Variants in AMBP observed in about 807,000 individuals in gnomAD.
AMBP encodes alpha-1-microglobulin/bikunin precursor, also known as protein AMBP.
AMBP carries 37 observed loss-of-function variants against 46.3 expected under a neutral mutation model. The ratio of observed to expected loss-of-function variants is 0.80; its 90% CI spans 0.61 to 1.05. The LOEUF (loss-of-function observed/expected upper bound fraction) is 1.05, where lower values mean the gene tolerates loss of function less well. AMBP is among the 50% of genes least tolerant of loss of function. AMBP has a pLI of 0.00. For synonymous variants in AMBP, 174 were observed against 175.9 expected (o/e 0.99, Z 0.09); for missense variants, 475 against 461.2 (o/e 1.03, Z -0.27).
chr9:114,069,655 G>C, intron 6 of AMBP, 44 bp downstream of exon 6: 1 of 1,560,998 alleles, frequency 6.4e-7, no homozygotes, highest in Non-Finnish European at 8.7e-7. Flanking sequence ...GGGGCAGAGT[G>C]GGGTGGGATG....
At chr9:114,071,372 C>T (rs895379464) in intron 5 of AMBP, among the ~76,000 whole-genome samples, 13 of 152,254 alleles carry the variant, frequency 8.5e-5, no homozygotes, top group Admixed American at 6.5e-4. Flanking sequence ...GCAGTGCTGA[C>T]GTGCCAGCTC....
chr9:114,066,362 T>C (rs1846693145), intron 6 of AMBP, among the ~76,000 whole-genome samples: 1 of 137,332 alleles, frequency 7.3e-6, no homozygotes, highest in Non-Finnish European at 1.6e-5. Flanking sequence ...AATCAGAACA[T>C]GCATTTATGT....
At chr9:114,065,973 T>C (rs1433074669) in intron 6 of AMBP, among the ~76,000 whole-genome samples, 1 of 152,186 alleles carries the variant, frequency 6.6e-6, no homozygotes, top group Non-Finnish European at 1.5e-5. Flanking sequence ...CCCTCAGCAA[T>C]GGATGTACTT....
At chr9:114,063,183 G>GA (rs397940037) in intron 6 of AMBP, among the ~76,000 whole-genome samples, 10,954 of 144,786 alleles carry the variant, frequency 0.076, 820 homozygotes, top group African/African-American at 0.2. Context: ...GCTGCTTGCA[G>GA]AAAAAAAAAA....
At position 114,072,916 on chromosome 9, in the gene AMBP, G is replaced by A. The variant is rs1161913846; in HGVS notation, c.556+9C>T. ...GGACAGGAATTTGAGGCGGAGGGGT[G>A]CTATGTACCTCGGTCAGCCATGGTG... On this transcript the variant is annotated intron_variant, in intron 5 of 9. Transcript: ENST00000265132. The A allele has an allele frequency of 1.2e-6, 2 of 1,612,986 alleles. No individual in the cohort carries two copies. Among genetic ancestry groups the A allele is most frequent in the East Asian group, 2.2e-5 (1 of 44,830 alleles).
At chr9:114,071,729 A>C (rs1846746963) in intron 5 of AMBP, among the ~76,000 whole-genome samples, 1 of 152,236 alleles carries the variant, frequency 6.6e-6, no homozygotes, top group Non-Finnish European at 1.5e-5. Flanking sequence ...CCCCAGACTC[A>C]GCCAGATTCG....
At chr9:114,061,186 C>G in intron 8 of AMBP, 88 bp from the exon 9 acceptor site, 2 of 1,509,344 alleles carry the variant, frequency 1.3e-6, no homozygotes. Context: ...GAGGGCCCTG[C>G]TCATCTAGAA....
At chr9:114,078,001 A>G in intron 1 of AMBP, 92 bp downstream of exon 1, 3 of 1,236,520 alleles carry the variant, frequency 2.4e-6, no homozygotes, top group Admixed American at 1.7e-5. Context: ...GAAGCCTGAG[A>G]CCCCGAGACA....
chr9:114,072,521 C>T (rs1228815105), intron 5 of AMBP, among the ~76,000 whole-genome samples: 1 of 152,228 alleles, frequency 6.6e-6, no homozygotes, highest in Non-Finnish European at 1.5e-5. Context: ...GGAACAAGCC[C>T]AGCAGGCCCA....
chr9:114,065,175 T>C (rs1333984723), intron 6 of AMBP, among the ~76,000 whole-genome samples: 1 of 151,906 alleles, frequency 6.6e-6, no homozygotes, highest in East Asian at 1.9e-4. Flanking sequence ...ACCCCCAAAA[T>C]TCATATACTG....
chr9:114,060,189 G>A lies in AMBP; in HGVS notation c.*50C>T. The A allele has an allele frequency of 6.3e-7, 1 of 1,580,108 alleles. No individual in the cohort carries two copies. The highest frequency in any genetic ancestry group is 8.6e-7 in the Non-Finnish European group (1 of 1,160,990). On this transcript the variant is annotated 3_prime_UTR_variant, in exon 10 of 10. Coordinates refer to ENST00000265132, the MANE Select transcript of AMBP (RefSeq NM_001633.4). ...GGTTGCTTGGCGCTGCCTGCCACAGGACCCCGGGACAGACACTGGCCATCC... is the reference window on the plus strand; with the variant it reads ...GGTTGCTTGGCGCTGCCTGCCACAGAACCCCGGGACAGACACTGGCCATCC...
At chr9:114,062,107 T>G (rs532003895) in intron 7 of AMBP, among the ~76,000 whole-genome samples, 1 of 152,266 alleles carries the variant, frequency 6.6e-6, no homozygotes, top group East Asian at 1.9e-4. Context: ...CCCCCTGCCC[T>G]TTAGCTGACC....
chr9:114,075,809 A>G (rs1846800566), intron 2 of AMBP, among the ~76,000 whole-genome samples: 1 of 152,216 alleles, frequency 6.6e-6, no homozygotes, highest in Admixed American at 6.5e-5. Context: ...AGGAGGTGAC[A>G]TGAAACCTGA....
chr9:114,075,813 A>G (rs1212272381), intron 2 of AMBP, among the ~76,000 whole-genome samples: 1 of 152,146 alleles, frequency 6.6e-6, no homozygotes, highest in Non-Finnish European at 1.5e-5. Context: ...GGTGACATGA[A>G]ACCTGAGTTC....
chr9:114,067,944 C>T (rs74899879), intron 6 of AMBP, among the ~76,000 whole-genome samples: 107 of 152,188 alleles, frequency 7.0e-4, no homozygotes, highest in African/African-American at 1.9e-3. Flanking sequence ...AACTCGGGAA[C>T]GGAGAAGCTG....
At position 114,069,736 on chromosome 9, in the gene AMBP, A is replaced by C; in HGVS notation, c.566T>G (p.Val189Gly). The C allele has an allele frequency of 1.2e-6, 2 of 1,614,128 alleles. No homozygotes were observed. Among genetic ancestry groups the C allele is most frequent in the Non-Finnish European group, 1.7e-6 (2 of 1,180,028 alleles). The change falls in exon 6 of 10, where the codon GTC becomes GGC. Residue 189 changes from valine to glycine, a missense_variant. Transcript: ENST00000265132. ...IFTMADRGEC[V>G]PGEQEPEPIL... is the part of the protein sequence containing the mutation. ...GGGCTCTGGTTCCTGCTCCCCAGGGACACATTCACCTAGGTCACAGAGCAG... is the reference window on the plus strand; with the variant it reads ...GGGCTCTGGTTCCTGCTCCCCAGGGCCACATTCACCTAGGTCACAGAGCAG...
At chr9:114,074,934 C>T in intron 3 of AMBP, 26 bp downstream of exon 3, 1 of 1,595,678 alleles carries the variant, frequency 6.3e-7, no homozygotes, top group Non-Finnish European at 8.6e-7. Flanking sequence ...GGAGAGAATG[C>T]ATGTGTCTCT....
In AMBP at chr9:114,074,043, C is replaced by G. The variant is rs750253064; in HGVS notation, c.447G>C (p.Lys149Asn). The change falls in exon 4 of 10, where the codon AAG (lysine) becomes AAC (asparagine). Residue 149 changes from lysine (K) to asparagine (N), a missense_variant. By Grantham distance (94) the Lys-to-Asn change is moderately conservative. Transcript: ENST00000265132. ...CTAGTAATGAGCCTTTACCGTAGAG[C>G]TTGGCAGTAATGGTGGGTCCATGAT... Reference protein sequence around the residue: ...SRHHGPTITAKLYGRAPQLRE... With the variant: ...SRHHGPTITANLYGRAPQLRE... The G allele has an allele frequency of 6.2e-7, 1 of 1,613,936 alleles. No homozygotes were observed. Among genetic ancestry groups the G allele is most frequent in the Non-Finnish European group, 8.5e-7 (1 of 1,179,826 alleles).
intron 4 of AMBP, 71 bp downstream of exon 4, chr9:114,073,965 A>T: frequency 7.0e-7 from 1 of 1,436,910 alleles, no homozygotes; most frequent in Non-Finnish European, 9.8e-7. Context: ...GTGCTTACCC[A>T]CTCCACTGTC....
Sources: allele counts gnomAD v4.1 joint callset (sites outside exome capture counted in the v4.1 genomes callset), GRCh38; gene constraint gnomAD v4.1.1; transcripts MANE v1.5; gene names NCBI Gene and HGNC (gene_info 2026-07-23, HGNC 2026-07-21).